The following HEPHL1 variants were observed in gnomAD, a reference collection of about 807,000 sequenced individuals.
HEPHL1 encodes ferroxidase HEPHL1.
Under a neutral mutation model 122.0 loss-of-function variants are expected in HEPHL1, and 123 were observed. The ratio of observed to expected loss-of-function variants is 1.01; its 90% CI spans 0.87 to 1.17. The LOEUF (loss-of-function observed/expected upper bound fraction) is 1.17. Among genes scored for constraint, HEPHL1 ranks in the 50% most tolerant of loss-of-function variants. The probability of loss-of-function intolerance (pLI) is 0.00; values close to 1 mark genes in which losing one functional copy is unlikely to be tolerated. For synonymous variants in HEPHL1, 527 were observed against 508.9 expected, an observed-to-expected ratio of 1.04 and a Z score of -0.48; for missense variants, 1,452 against 1,430.5, an observed-to-expected ratio of 1.01 and a Z score of -0.24.
At chr11:94,059,203 T>C (rs769108849) in intron 2 of HEPHL1, among the ~76,000 whole-genome samples, 5 of 152,324 alleles carry the variant, frequency 3.3e-5, no homozygotes, top group Non-Finnish European at 5.9e-5. Flanking sequence ...TTACTTTGTC[T>C]TGGAGATTTT....
At position 94,111,518 on chromosome 11, in the gene HEPHL1, A is replaced by G. The variant is rs1946448631; in HGVS notation, c.3209-19A>G. The G allele has an allele frequency of 3.2e-6, 5 of 1,568,758 alleles. No individual in the cohort carries two copies. The highest frequency in any genetic ancestry group is 3.3e-4 in the Middle Eastern group (2 of 6,022). ...CCTTCTGTTGTTAATAAAACAATGAACTTGTTTTCTTTGTGCAGACAACAG... is the reference window on the plus strand; with the variant it reads ...CCTTCTGTTGTTAATAAAACAATGAGCTTGTTTTCTTTGTGCAGACAACAG... On this transcript the variant is annotated intron_variant, in intron 18 of 19. Transcript: ENST00000315765.
At chr11:94,041,227 T>G (rs1316103364) in intron 1 of HEPHL1, among the ~76,000 whole-genome samples, 1 of 150,558 alleles carries the variant, frequency 6.6e-6, no homozygotes, top group Non-Finnish European at 1.5e-5. Context: ...TAAAAGAGGA[T>G]ACAAACAAAT....
intron 2 of HEPHL1, among the ~76,000 whole-genome samples, chr11:94,056,657 T>TACCTATC (rs3060401): frequency 8.9e-6 from 1 of 111,804 alleles, no homozygotes; most frequent in African/African-American, 3.2e-5. Flanking sequence ...CTATTATTGA[T>TACCTATC]TATCTATCTA....
At chr11:94,048,004 T>C (rs1051924496) in intron 2 of HEPHL1, among the ~76,000 whole-genome samples, 3 of 152,146 alleles carry the variant, frequency 2.0e-5, no homozygotes, top group Non-Finnish European at 4.4e-5. Flanking sequence ...ACCGAAACTA[T>C]ATAGCCATTA....
At chr11:94,098,587 G>A (rs935730070) in intron 13 of HEPHL1, among the ~76,000 whole-genome samples, 2 of 152,184 alleles carry the variant, frequency 1.3e-5, no homozygotes, top group African/African-American at 4.8e-5. Context: ...AAGTTCTCCT[G>A]GATAATATCC....
intron 1 of HEPHL1, among the ~76,000 whole-genome samples, chr11:94,035,494 T>A (rs74564997): frequency 0.016 from 2,472 of 152,282 alleles, 82 homozygotes; most frequent in African/African-American, 0.055. Context: ...TTCCTTTTTT[T>A]AAAAAATCTT....
chr11:94,104,334 T>C (rs1946392099), intron 15 of HEPHL1, among the ~76,000 whole-genome samples, 194 bp from the exon 16 acceptor site: 1 of 152,160 alleles, frequency 6.6e-6, no homozygotes, highest in African/African-American at 2.4e-5. Context: ...GACTTCTAGA[T>C]ACGGGAGTAT....
At chr11:94,085,259 T>G (rs1301543620) in intron 10 of HEPHL1, among the ~76,000 whole-genome samples, 1 of 152,186 alleles carries the variant, frequency 6.6e-6, no homozygotes, top group Non-Finnish European at 1.5e-5. Context: ...GGGGTTGATG[T>G]CAAAGATAAA....
At chr11:94,036,814 G>A (rs535548001) in intron 1 of HEPHL1, among the ~76,000 whole-genome samples, 40 of 149,670 alleles carry the variant, frequency 2.7e-4, no homozygotes, top group Non-Finnish European at 5.5e-4. Context: ...ACTCCAGCCT[G>A]GGCAACAGAG....
chr11:94,094,872 T>C (rs1286615498), intron 13 of HEPHL1, among the ~76,000 whole-genome samples: 2 of 152,186 alleles, frequency 1.3e-5, no homozygotes, highest in Admixed American at 6.5e-5. Context: ...TTTGTTTGAG[T>C]TCTTTGTAGA....
intron 2 of HEPHL1, chr11:94,056,109 T>C: frequency 3.4e-6 from 1 of 297,430 alleles, no homozygotes; most frequent in Non-Finnish European, 6.4e-6. Context: ...CCTGATATAT[T>C]GACCCTTTTA....
intron 8 of HEPHL1, among the ~76,000 whole-genome samples, chr11:94,074,403 G>T (rs965588457): frequency 2.6e-5 from 4 of 151,934 alleles, no homozygotes; most frequent in African/African-American, 9.7e-5. Flanking sequence ...CTACAGCCTG[G>T]GTGACATAGC....
At chr11:94,104,859 G>A in intron 16 of HEPHL1, 109 bp downstream of exon 16, 3 of 849,688 alleles carry the variant, frequency 3.5e-6, no homozygotes, top group Non-Finnish European at 5.6e-6. Flanking sequence ...CCTTCCCAGG[G>A]GCACCTGGAC....
At chr11:94,032,021 G>A (rs1156454363) in intron 1 of HEPHL1, among the ~76,000 whole-genome samples, 1 of 152,124 alleles carries the variant, frequency 6.6e-6, no homozygotes, top group South Asian at 2.1e-4. Context: ...GTTAGTATTC[G>A]AGCATAACCT....
intron 2 of HEPHL1, among the ~76,000 whole-genome samples, chr11:94,054,291 G>A (rs1376689044): frequency 6.6e-6 from 1 of 152,136 alleles, no homozygotes; most frequent in Non-Finnish European, 1.5e-5. Context: ...ATATTTGAGA[G>A]GGACCAAAAT....
intron 9 of HEPHL1, among the ~76,000 whole-genome samples, chr11:94,078,970 A>G (rs1397218136): frequency 6.6e-6 from 1 of 152,050 alleles, no homozygotes; most frequent in Non-Finnish European, 1.5e-5. Flanking sequence ...CTTCCTTCTA[A>G]TGTTTTCTTG....
Position 94,021,359 on chromosome 11 carries a change from AC to A in HEPHL1, c.-9del. ...TGCAGGCTGCCTGCCTGCTTGAGTT[AC>A]ATCCACAAATGCCTCGGAAGCAGCC... is the stretch of plus-strand genomic sequence containing the variant. On this transcript the variant is annotated 5_prime_UTR_variant, in exon 1 of 20. Coordinates refer to ENST00000315765, the MANE Select transcript of HEPHL1 (RefSeq NM_001098672.2). The A allele has an allele frequency of 4.4e-6, 7 of 1,607,676 alleles. No homozygotes were observed. Among genetic ancestry groups the A allele is most frequent in the Non-Finnish European group, 5.9e-6 (7 of 1,176,514 alleles).
intron 13 of HEPHL1, among the ~76,000 whole-genome samples, chr11:94,094,117 T>G (rs1328218198): frequency 2.7e-5 from 4 of 150,666 alleles, no homozygotes; most frequent in African/African-American, 7.3e-5. Context: ...TCATTTACAT[T>G]AGGTATATCT....
intron 1 of HEPHL1, among the ~76,000 whole-genome samples, chr11:94,023,438 C>G (rs545624702): frequency 1.3e-5 from 2 of 152,264 alleles, no homozygotes; most frequent in Admixed American, 1.3e-4. Context: ...CATAAATACT[C>G]AAGTACTACA....
Sources: allele counts gnomAD v4.1 joint callset (sites outside exome capture counted in the v4.1 genomes callset), GRCh38; gene constraint gnomAD v4.1.1; transcripts MANE v1.5; gene names NCBI Gene and HGNC (gene_info 2026-07-23, HGNC 2026-07-21).